Variants in TSPEAR observed in about 807,000 individuals in gnomAD.
TSPEAR encodes the protein thrombospondin type laminin G domain and EAR repeats, also known as thrombospondin-type laminin G domain and EAR repeat-containing protein.
In TSPEAR, 69 loss-of-function variants were observed where a neutral mutation model predicts 71.6. The ratio of observed to expected loss-of-function variants is 0.96; its 90% confidence interval spans 0.79 to 1.18. The LOEUF (loss-of-function observed/expected upper bound fraction) is 1.18, where lower values mean the gene tolerates loss of function less well. Ranked by LOEUF, TSPEAR falls within the 50% of genes most tolerant of loss-of-function variation. TSPEAR has a pLI of 0.00. For synonymous variants in TSPEAR, 402 were observed against 387.2 expected (o/e 1.04, Z -0.45); for missense variants, 971 against 894.9 (o/e 1.09, Z -1.09).
intron 1 of TSPEAR, among the ~76,000 whole-genome samples, chr21:44,592,827 A>C (rs1980084915): frequency 6.6e-6 from 1 of 152,170 alleles, no homozygotes; most frequent in Non-Finnish European, 1.5e-5. Flanking sequence ...GTCCCTCTGC[A>C]GGAAGCCGGC....
At chr21:44,507,859 A>G (rs2052239622) in intron 10 of TSPEAR, among the ~76,000 whole-genome samples, 1 of 151,882 alleles carries the variant, frequency 6.6e-6, no homozygotes, top group African/African-American at 2.4e-5. Flanking sequence ...TTCTCCTGCC[A>G]TGGCTGCCAG....
At chr21:44,502,400 T>G (rs1362788935) in intron 11 of TSPEAR, among the ~76,000 whole-genome samples, 3 of 152,236 alleles carry the variant, frequency 2.0e-5, no homozygotes, top group African/African-American at 7.2e-5. Context: ...CCCCTGAGAA[T>G]CTTTTTAAGA....
intron 2 of TSPEAR, among the ~76,000 whole-genome samples, chr21:44,552,440 A>T (rs2053457866): frequency 6.6e-6 from 1 of 152,096 alleles, no homozygotes. Context: ...TCAGCTGGGG[A>T]TGAGGCTACG....
At chr21:44,704,602 G>A (rs1285801680) in intron 1 of TSPEAR, among the ~76,000 whole-genome samples, 1 of 152,218 alleles carries the variant, frequency 6.6e-6, no homozygotes, top group East Asian at 1.9e-4. Context: ...GAGGGGCAGC[G>A]GCTTGAGGGT....
intron 1 of TSPEAR, among the ~76,000 whole-genome samples, chr21:44,606,464 G>A (rs919208629): frequency 5.9e-5 from 9 of 152,182 alleles, no homozygotes; most frequent in Middle Eastern, 3.4e-3. Context: ...ACAGTATAGC[G>A]GTTCCTCAAA....
At chr21:44,674,744 G>A (rs879994344) in intron 1 of TSPEAR, among the ~76,000 whole-genome samples, 5,415 of 131,392 alleles carry the variant, frequency 0.041, 120 homozygotes, top group Middle Eastern at 0.067. Flanking sequence ...GTGTGTGTGT[G>A]TGTGTGTGTG....
intron 1 of TSPEAR, among the ~76,000 whole-genome samples, chr21:44,587,133 G>GA (rs1315586640): frequency 6.6e-6 from 1 of 152,152 alleles, no homozygotes; most frequent in Non-Finnish European, 1.5e-5. Flanking sequence ...CGTACACCTA[G>GA]AAAACCCCAA....
intron 2 of TSPEAR, chr21:44,540,134 A>C: frequency 6.2e-7 from 1 of 1,613,446 alleles, no homozygotes; most frequent in Non-Finnish European, 8.5e-7. Context: ...GCAGACGGAC[A>C]TGGTGGACGC....
chr21:44,693,557 C>T (rs781833041), intron 1 of TSPEAR, among the ~76,000 whole-genome samples: 1 of 151,982 alleles, frequency 6.6e-6, no homozygotes, highest in East Asian at 1.9e-4. Context: ...CCAATAAGTA[C>T]ATGAAAAGAT....
intron 1 of TSPEAR, among the ~76,000 whole-genome samples, chr21:44,694,575 T>C (rs1465710267): frequency 6.6e-6 from 1 of 152,256 alleles, no homozygotes; most frequent in Non-Finnish European, 1.5e-5. Flanking sequence ...TTTTATGCTA[T>C]GTATATTTTA....
At chr21:44,517,657 C>T (rs2052621432) in intron 9 of TSPEAR, 1 of 426,288 alleles carries the variant, frequency 2.3e-6, no homozygotes, top group South Asian at 1.7e-5. Flanking sequence ...GAGAACTAAC[C>T]CAATATGGCA....
chr21:44,526,499 A>G (rs368560696), intron 7 of TSPEAR, among the ~76,000 whole-genome samples: 42 of 152,250 alleles, frequency 2.8e-4, no homozygotes, highest in African/African-American at 9.6e-4. Flanking sequence ...CAATCAAAAA[A>G]AAAAAAACCA....
rs782008379 is a variant in TSPEAR, at chr21:44,646,693, TGCTGCCAGCAGTCTA to T, written c.82+64725_82+64739del. 26 of 1,614,024 alleles carry T rather than the reference TGCTGCCAGCAGTCTA, an allele frequency of 1.6e-5. 1 individual carries two copies. Among genetic ancestry groups the T allele is most frequent in the Middle Eastern group, 3.3e-4 (2 of 6,078 alleles). ...CTGCACCAGCTCCTGCACGCCGTCA[TGCTGCCAGCAGTCTA>T]GCTGCCAGCCGGCTTGCTGCACCTC... On this transcript the variant is annotated intron_variant, in intron 1 of 11. Transcript: ENST00000323084.
At chr21:44,575,833 T>G (rs923268433) in intron 1 of TSPEAR, among the ~76,000 whole-genome samples, 1 of 152,200 alleles carries the variant, frequency 6.6e-6, no homozygotes, top group Non-Finnish European at 1.5e-5. Flanking sequence ...TCTCTGTCGC[T>G]TCGCTTCCAC....
intron 1 of TSPEAR, among the ~76,000 whole-genome samples, chr21:44,617,066 C>T (rs1982148374): frequency 6.6e-6 from 1 of 152,072 alleles, no homozygotes; most frequent in Non-Finnish European, 1.5e-5. Flanking sequence ...GCACCTCACT[C>T]ACTCACCCAC....
chr21:44,559,772 C>G (rs909961004), intron 2 of TSPEAR, among the ~76,000 whole-genome samples: 2 of 152,186 alleles, frequency 1.3e-5, no homozygotes, highest in East Asian at 3.8e-4. Flanking sequence ...TCATGGATCC[C>G]TCATCTCCTC....
chr21:44,539,686 G>A (rs782022267), intron 2 of TSPEAR: 1 of 1,595,346 alleles, frequency 6.3e-7, no homozygotes, highest in South Asian at 1.1e-5. Flanking sequence ...CCTCAGAGCA[G>A]GTGGGCACAT....
At chr21:44,540,290 T>C in intron 2 of TSPEAR, 4 of 1,382,326 alleles carry the variant, frequency 2.9e-6, no homozygotes, top group Non-Finnish European at 3.9e-6. Context: ...GGCCTTGTTG[T>C]TCCAGGGCCC....
At chr21:44,697,516 C>G (rs782269736) in intron 1 of TSPEAR, 1 of 1,613,084 alleles carries the variant, frequency 6.2e-7, no homozygotes. Context: ...AGGCCTGCTG[C>G]GTGCCCGTCT....
Sources: allele counts gnomAD v4.1 joint callset (sites outside exome capture counted in the v4.1 genomes callset), GRCh38; gene constraint gnomAD v4.1.1; transcripts MANE v1.5; gene names NCBI Gene and HGNC (gene_info 2026-07-23, HGNC 2026-07-21).